Variants in DIDO1 observed in about 807,000 individuals in gnomAD.
The protein encoded by DIDO1 is death-inducer obliterator 1.
DIDO1 carries 16 observed loss-of-function variants against 99.4 expected under a neutral mutation model. The observed-to-expected ratio is 0.16, with a 90% CI of 0.11 to 0.24. DIDO1 has a LOEUF of 0.24. DIDO1 is among the 10% of genes least tolerant of loss of function. The pLI, the probability that DIDO1 is intolerant of heterozygous loss-of-function variation, is 1.00. For synonymous variants in DIDO1, 1,366 were observed against 1,239.1 expected, an observed-to-expected ratio of 1.10 and a Z score of -2.15; for missense variants, 2,996 against 3,014.0, an observed-to-expected ratio of 0.99 and a Z score of 0.14.
intron 1 of DIDO1, among the ~76,000 whole-genome samples, chr20:62,914,607 C>A (rs538131398): frequency 2.2e-4 from 33 of 152,260 alleles, no homozygotes; most frequent in Middle Eastern, 3.4e-3. Flanking sequence ...GCTACCAACC[C>A]CCAAGAGAAA....
At chr20:62,910,319 C>T (rs991251814) in intron 3 of DIDO1, among the ~76,000 whole-genome samples, 1 of 152,222 alleles carries the variant, frequency 6.6e-6, no homozygotes, top group African/African-American at 2.4e-5. Flanking sequence ...CAACAGGCTG[C>T]CTATCACCGT....
chr20:62,910,039 G>T lies in DIDO1; in HGVS notation c.840-19C>A. The stretch of plus-strand genomic sequence containing the variant: ...CATAAACCTGAAATTATAAAATAAC[G>T]GTATTAGCAATGGGACGTGAGTGAC... On this transcript the variant is annotated intron_variant, in intron 3 of 15. Coordinates refer to ENST00000395343, the MANE Select transcript of DIDO1 (RefSeq NM_001193369.2). The T allele has an allele frequency of 6.3e-7, 1 of 1,595,594 alleles. No individual in the cohort carries two copies. Among genetic ancestry groups the T allele is most frequent in the Non-Finnish European group, 8.5e-7 (1 of 1,173,704 alleles).
chr20:62,882,121 G>C lies in DIDO1; in HGVS notation c.3835C>G (p.Leu1279Val), dbSNP rs2064219029. The C allele has an allele frequency of 6.2e-7, 1 of 1,613,192 alleles. No individual in the cohort carries two copies. Among genetic ancestry groups the C allele is most frequent in the South Asian group, 1.1e-5 (1 of 91,080 alleles). ...GCTGGGCTGGGGGCTGCAGGTTTGA[G>C]GGATGACAGCACTTTTAGCACCGGT... is the stretch of plus-strand genomic sequence containing the variant. ...EPPVLKVLSS[L>V]KPAAPSPATA... Residue 1279 changes from leucine (L) to valine (V), a missense_variant, in exon 16 of 16, where the codon CTC (leucine) becomes GTC (valine). By Grantham distance (32) the Leu-to-Val change is conservative. Around this residue, in one of 5 missense-constraint regions of DIDO1, gnomAD observed 1,562 missense variants for 1,412.6 expected, o/e 1.11. Coordinates refer to ENST00000395343, the MANE Select transcript of DIDO1 (RefSeq NM_001193369.2).
rs2064461560 is a variant in DIDO1 at position 62,894,106 on chromosome 20, A to G, written c.2661T>C (p.His887=). ...SVKKEDLKSK[H]DSSAPDPAPD... ...GAGCTGGGTCAGGTGCAGAGCTGTC[A>G]TGCTTTGATTTTAAGTCTTCTTTCT... The change falls in exon 12 of 16, where the codon CAT becomes CAC. Residue 887 remains histidine, a synonymous_variant. Transcript: ENST00000395343. The surrounding 1 kb of genome is among the most constrained non-coding windows in gnomAD (Gnocchi z 4.4). 1.2e-6 allele frequency: 2 copies of G among 1,614,226 alleles called. No homozygotes were observed. The highest frequency in any genetic ancestry group is 4.5e-5 in the East Asian group (2 of 44,892).
At chr20:62,922,487 C>A (rs892756314) in intron 1 of DIDO1, among the ~76,000 whole-genome samples, 4 of 152,116 alleles carry the variant, frequency 2.6e-5, no homozygotes, top group Non-Finnish European at 4.4e-5. Flanking sequence ...TCAACCCCAG[C>A]TGCAAACGAT....
upstream of DIDO1, among the ~76,000 whole-genome samples, chr20:62,929,978 T>TC: frequency 6.6e-6 from 1 of 152,160 alleles, no homozygotes; most frequent in East Asian, 1.9e-4. Flanking sequence ...TCAAGCCTGT[T>TC]CCCAGCACTT....
chr20:62,937,715 G>A (rs1230165914), intron 1 of DIDO1: 4 of 397,222 alleles, frequency 1.0e-5, no homozygotes, highest in South Asian at 1.3e-4. Flanking sequence ...CCCCGTCTGA[G>A]GGGCGGCCGC....
In DIDO1 at chr20:62,920,187, C is replaced by T. The variant is rs142080495; in HGVS notation, c.-199-5781G>A. On this transcript the variant is annotated intron_variant, in intron 1 of 15. Transcript: ENST00000395343. ...CGCAAGTGTGGCAGTGTGAGCTCCC[C>T]GGGTACCATGTGAGTGGGGTGCGCT... 6.4e-3 allele frequency among the ~76,000 whole-genome samples: 979 copies of T among 152,280 alleles called. 5 individuals carry two copies. The highest frequency in any genetic ancestry group is 8.1e-3 in the Admixed American group (124 of 15,298).
At position 62,891,053 on chromosome 20, in the gene DIDO1, C is replaced by A. The variant is rs1028741190; in HGVS notation, c.3448G>T (p.Ala1150Ser). Residue 1150 changes from alanine (A) to serine (S), a missense_variant, in exon 15 of 16, where the codon GCT becomes TCT. Ala to Ser is a moderately conservative substitution (Grantham distance 99, BLOSUM62 1). Around this residue, in one of 5 missense-constraint regions of DIDO1, gnomAD observed 135 missense variants for 202.3 expected, o/e 0.67. Coordinates refer to ENST00000395343, the MANE Select transcript of DIDO1 (RefSeq NM_001193369.2). Reference sequence around the variant, plus strand: ...TCCTTGACGTGCCTGTTGTTATTAGCTACAACACCAAAGCGGCCACGGCTG... The same window carrying A: ...TCCTTGACGTGCCTGTTGTTATTAGATACAACACCAAAGCGGCCACGGCTG... ...FSSRGRFGVV[A>S]NNNRHVKDLY... is the part of the protein sequence containing the mutation. 6.2e-7 allele frequency: 1 copy of A among 1,614,064 alleles called. No individual in the cohort carries two copies. The highest frequency in any genetic ancestry group is 1.3e-5 in the African/African-American group (1 of 74,912).
intron 12 of DIDO1, 41 bp from the exon 13 acceptor site, chr20:62,893,003 G>A (rs1231021173): frequency 5.8e-6 from 9 of 1,559,742 alleles, no homozygotes; most frequent in Non-Finnish European, 7.8e-6. Context: ...ATGTCTCTCT[G>A]TGCAATGAGA....
At chr20:62,913,234 T>C (rs193029296) in intron 2 of DIDO1, among the ~76,000 whole-genome samples, 10 of 152,028 alleles carry the variant, frequency 6.6e-5, no homozygotes, top group Middle Eastern at 6.8e-3. Flanking sequence ...AAGGGACACA[T>C]CACTTCTATG....
chr20:62,885,726 T>G (rs1287417199), intron 15 of DIDO1, among the ~76,000 whole-genome samples: 2 of 152,200 alleles, frequency 1.3e-5, no homozygotes, highest in African/African-American at 2.4e-5. Context: ...CAGTCAAATC[T>G]TGTCACCCAA....
At chr20:62,891,252 T>C (rs868327568) in intron 14 of DIDO1, 97 bp from the exon 15 acceptor site, 22 of 1,540,766 alleles carry the variant, frequency 1.4e-5, no homozygotes, top group Middle Eastern at 4.4e-4. Flanking sequence ...CCTTGTCAGA[T>C]CTCTCCGACT....
At position 62,879,420 on chromosome 20, in the gene DIDO1, C is replaced by G; in HGVS notation, c.6536G>C (p.Arg2179Pro). The change falls in exon 16 of 16, where the codon CGA becomes CCA. Residue 2179 changes from arginine to proline, a missense_variant. Physicochemically the swap from Arg to Pro is moderately radical, Grantham distance 103. Transcript: ENST00000395343. The surrounding 1 kb of genome is among the most constrained non-coding windows in gnomAD (Gnocchi z 6.3). ...GCGCCTCCGGTCTCGCTCGCGCTCT[C>G]GGTTCCTGCTCCGCTCCCGGCTGCG... The part of the protein sequence containing the change: ...WDRSRERSRN[R>P]ERERDRRRDR... 1 of 1,545,490 alleles carries G rather than the reference C, an allele frequency of 6.5e-7. No homozygotes were observed. The highest frequency in any genetic ancestry group is 8.7e-7 in the Non-Finnish European group (1 of 1,149,902).
At chr20:62,895,009 C>CTT in intron 9 of DIDO1, 40 bp downstream of exon 9, 1 of 1,596,658 alleles carries the variant, frequency 6.3e-7, no homozygotes, top group Non-Finnish European at 8.6e-7. Context: ...CTATTAAGCT[C>CTT]GAGTCCTGGG....
rs1384248873 is a variant in DIDO1 at position 62,880,009 on chromosome 20, C to G, written c.5947G>C (p.Ala1983Pro). 1 of 1,611,930 alleles carries G rather than the reference C, an allele frequency of 6.2e-7. No homozygotes were observed. Among genetic ancestry groups the G allele is most frequent in the Admixed American group, 1.7e-5 (1 of 60,032 alleles). ...HSPPRFTNQR[A>P]PAPLQFGGLR... is the part of the protein sequence containing the mutation. Reference sequence around the variant, plus strand: ...CCACCAAACTGCAGGGGTGCAGGCGCCCTTTGGTTTGTGAATCTTGGTGGT... The same window carrying G: ...CCACCAAACTGCAGGGGTGCAGGCGGCCTTTGGTTTGTGAATCTTGGTGGT... The change falls in exon 16 of 16, where the codon GCG becomes CCG. Residue 1983 changes from alanine to proline, a missense_variant. This residue lies in a region of DIDO1 where 1,562 missense variants were observed against 1,412.6 expected (regional missense o/e 1.11). Transcript: ENST00000395343.
At position 62,894,770 on chromosome 20, in the gene DIDO1, A is replaced by C. The variant is rs974085504; in HGVS notation, c.2436+40T>G. The C allele has an allele frequency of 2.5e-6, 4 of 1,575,420 alleles. No homozygotes were observed. Among genetic ancestry groups the C allele is most frequent in the Non-Finnish European group, 3.5e-6 (4 of 1,154,654 alleles). On this transcript the variant is annotated intron_variant, in intron 10 of 15. Coordinates refer to ENST00000395343, the MANE Select transcript of DIDO1 (RefSeq NM_001193369.2). The surrounding 1 kb of genome is among the most constrained non-coding windows in gnomAD (Gnocchi z 4.4). ...AACCTCAAAACATTTGGGATGGATT[A>C]GTCTATTCTCGGTGAACACAAAATC...
In DIDO1 at chr20:62,921,632, ATT is replaced by A. The variant is rs34536561; in HGVS notation, c.-200+4805_-200+4806del. Among the ~76,000 whole-genome samples the A allele has an allele frequency of 2.4e-3, 316 of 133,646 alleles. 5 individuals carry two copies. Among genetic ancestry groups the A allele is most frequent in the Admixed American group, 9.0e-3 (119 of 13,246 alleles). 87.7% of individuals were successfully genotyped at this position (133,646 alleles called of 152,430 possible). A position where few individuals can be genotyped will look rare whatever the true frequency, so the allele number is the denominator to read the frequency against. On this transcript the variant is annotated intron_variant, in intron 1 of 15. Coordinates refer to ENST00000395343, the MANE Select transcript of DIDO1 (RefSeq NM_001193369.2). The stretch of plus-strand genomic sequence containing the variant: ...GCTTCTCAAATTGGAGCTGCAGCCA[ATT>A]TTTTTTTTTTTTTTTTGGAGACAGG...
At chr20:62,885,200 G>A (rs2064278139) in intron 15 of DIDO1, among the ~76,000 whole-genome samples, 1 of 152,180 alleles carries the variant, frequency 6.6e-6, no homozygotes, top group South Asian at 2.1e-4. Flanking sequence ...CCCTCTGCCT[G>A]CAGAACCTGA....
Sources: gnomAD v4.1 joint callset for allele counts (sites outside exome capture counted in the v4.1 genomes callset) on GRCh38, gnomAD v4.1.1 for gene constraint, gnomAD v4.1.1 regional missense constraint, Gnocchi (gnomAD v3.1) non-coding constraint, MANE v1.5 for transcripts, NCBI Gene and HGNC (gene_info 2026-07-23, HGNC 2026-07-21) for gene names.